The following ADGRL2 variants were observed in gnomAD, a reference collection of about 807,000 sequenced individuals.
ADGRL2 encodes the protein adhesion G protein-coupled receptor L2, also known as calcium-independent alpha-latrotoxin receptor 2.
ADGRL2 carries 44 observed loss-of-function variants against 157.4 expected under a neutral mutation model. That is an observed-to-expected ratio of 0.28 (90% CI 0.22 to 0.36). The LOEUF (loss-of-function observed/expected upper bound fraction) is 0.36, where lower values mean the gene tolerates loss of function less well. Ranked by LOEUF, ADGRL2 falls within the 10% of genes least tolerant of loss-of-function variation. ADGRL2 has a pLI of 1.00. For missense variants in ADGRL2, 1,510 were observed against 1,768.9 expected (o/e 0.85, Z 2.63); for synonymous variants, 585 against 624.7 (o/e 0.94, Z 0.95).
intron 2 of ADGRL2, among the ~76,000 whole-genome samples, chr1:81,532,788 C>T (rs969107996): frequency 1.3e-5 from 2 of 151,874 alleles, no homozygotes; most frequent in African/African-American, 4.8e-5. Context: ...GGTGTGGTGA[C>T]ACATGCCTGT....
At chr1:81,907,332 C>A in intron 3 of ADGRL2, 102 bp downstream of exon 3, 1 of 939,464 alleles carries the variant, frequency 1.1e-6, no homozygotes, top group Non-Finnish European at 1.7e-6. Context: ...ACATCCCAGC[C>A]TATTTATTAA....
intron 2 of ADGRL2, among the ~76,000 whole-genome samples, chr1:81,781,605 G>A (rs2086814799): frequency 6.6e-6 from 1 of 152,162 alleles, no homozygotes; most frequent in Non-Finnish European, 1.5e-5. Context: ...AGCATTTCAG[G>A]TTGGTTACAG....
rs1186954617 is a variant in ADGRL2, at chr1:81,973,391, A to G, written c.3021+1473A>G. Among the ~76,000 whole-genome samples, 11 of 152,204 alleles carry G rather than the reference A, an allele frequency of 7.2e-5. 1 individual carries two copies. The highest frequency in any genetic ancestry group is 7.2e-4 in the Admixed American group (11 of 15,274). On this transcript the variant is annotated intron_variant, in intron 17 of 23. Transcript: ENST00000686636. The stretch of plus-strand genomic sequence containing the variant: ...ATGAAGAGGCATGATCCTTGAAGAC[A>G]TAACCTTCCATTTTCCTCTAAGACC...
chr1:81,731,659 C>T (rs1387785244), intron 1 of ADGRL2, among the ~76,000 whole-genome samples: 2 of 152,116 alleles, frequency 1.3e-5, no homozygotes, highest in Admixed American at 1.3e-4. Flanking sequence ...TAATGCTTTG[C>T]TTCAGCCTGA....
chr1:81,448,641 G>A (rs2077647426), intron 2 of ADGRL2, among the ~76,000 whole-genome samples: 1 of 151,808 alleles, frequency 6.6e-6, no homozygotes, highest in Non-Finnish European at 1.5e-5. Context: ...TTAGAGACAG[G>A]AGTTAGAGAC....
At chr1:81,431,591 T>G (rs1283950143) in intron 1 of ADGRL2, among the ~76,000 whole-genome samples, 1 of 152,172 alleles carries the variant, frequency 6.6e-6, no homozygotes, top group Non-Finnish European at 1.5e-5. Flanking sequence ...AAAACCACAT[T>G]CCGCTGTAAA....
At chr1:81,855,120 A>G (rs2093157634) in intron 2 of ADGRL2, among the ~76,000 whole-genome samples, 1 of 152,170 alleles carries the variant, frequency 6.6e-6, no homozygotes, top group Non-Finnish European at 1.5e-5. Flanking sequence ...GAAATGATAC[A>G]AAACTGGAAA....
intron 4 of ADGRL2, among the ~76,000 whole-genome samples, chr1:81,939,194 A>C (rs1425806017): frequency 2.0e-5 from 3 of 151,638 alleles, no homozygotes; most frequent in Non-Finnish European, 4.4e-5. Context: ...TACTTTGTTT[A>C]CTTTAGTATG....
At chr1:81,960,165 T>C (rs777901153) in intron 11 of ADGRL2, among the ~76,000 whole-genome samples, 5 of 152,236 alleles carry the variant, frequency 3.3e-5, no homozygotes, top group Non-Finnish European at 7.3e-5. Context: ...AAACATTTTT[T>C]GTTTTTCTTG....
At chr1:81,388,045 G>C (rs956854163) in intron 1 of ADGRL2, among the ~76,000 whole-genome samples, 1 of 152,050 alleles carries the variant, frequency 6.6e-6, no homozygotes, top group Non-Finnish European at 1.5e-5. Flanking sequence ...AACGTGTGAG[G>C]TGGTATTTTT....
chr1:81,324,562 T>C (rs1660757899), intron 1 of ADGRL2, among the ~76,000 whole-genome samples: 1 of 149,360 alleles, frequency 6.7e-6, no homozygotes, highest in Admixed American at 6.7e-5. Context: ...ATTAAAAAGT[T>C]ATATATAAAT....
chr1:81,512,353 G>C (rs2079095347), intron 2 of ADGRL2, among the ~76,000 whole-genome samples: 1 of 152,220 alleles, frequency 6.6e-6, no homozygotes, highest in South Asian at 2.1e-4. Flanking sequence ...AATCAGAGCT[G>C]TGTCGGAGCA....
At chr1:81,984,077 A>T (rs1367647142) in intron 19 of ADGRL2, among the ~76,000 whole-genome samples, 5 of 152,146 alleles carry the variant, frequency 3.3e-5, no homozygotes, top group Non-Finnish European at 7.4e-5. Context: ...TAGTCTTGTC[A>T]TTATACAGAG....
chr1:81,980,719 G>A, intron 18 of ADGRL2: 1 of 576,654 alleles, frequency 1.7e-6, no homozygotes, highest in South Asian at 2.6e-5. Flanking sequence ...CATGTTGCAT[G>A]GTAAGAGAGA....
chr1:81,383,223 A>G (rs2076373514), intron 1 of ADGRL2, among the ~76,000 whole-genome samples: 2 of 152,196 alleles, frequency 1.3e-5, no homozygotes, highest in Non-Finnish European at 2.9e-5. Context: ...AACTCTTTTC[A>G]TATTTCTTTT....
intron 3 of ADGRL2, among the ~76,000 whole-genome samples, chr1:81,926,589 G>C (rs1332460671): frequency 6.6e-6 from 1 of 151,936 alleles, no homozygotes; most frequent in African/African-American, 2.4e-5. Flanking sequence ...AAGTGATACA[G>C]GTTGTAATAT....
intron 2 of ADGRL2, among the ~76,000 whole-genome samples, chr1:81,856,038 G>A (rs1000728859): frequency 1.3e-5 from 2 of 152,064 alleles, no homozygotes; most frequent in Admixed American, 1.3e-4. Flanking sequence ...GGCATCCAGG[G>A]GAGGTCATAT....
chr1:81,542,983 T>C (rs2079921554), intron 2 of ADGRL2, among the ~76,000 whole-genome samples: 1 of 151,570 alleles, frequency 6.6e-6, no homozygotes, highest in Admixed American at 6.6e-5. Context: ...ATATACTGGG[T>C]CAAATTTAAA....
At chr1:81,587,468 G>A (rs2081050372) in intron 3 of ADGRL2, among the ~76,000 whole-genome samples, 1 of 152,066 alleles carries the variant, frequency 6.6e-6, no homozygotes, top group African/African-American at 2.4e-5. Flanking sequence ...AAGAAATAAT[G>A]TAGATTGAAA....
Sources: allele counts gnomAD v4.1 joint callset (sites outside exome capture counted in the v4.1 genomes callset), GRCh38; gene constraint gnomAD v4.1.1; transcripts MANE v1.5; gene names NCBI Gene and HGNC (gene_info 2026-07-23, HGNC 2026-07-21).